RTTN: variants seen among roughly 807,000 people sequenced by gnomAD.
RTTN encodes the protein rotatin.
Under a neutral mutation model 269.2 loss-of-function variants are expected in RTTN, and 182 were observed. The observed-to-expected ratio is 0.68, with a 90% CI of 0.60 to 0.76. The LOEUF (loss-of-function observed/expected upper bound fraction) is 0.76. RTTN is among the 30% of genes least tolerant of loss of function. The pLI, the probability that RTTN is intolerant of heterozygous loss-of-function variation, is 0.00. For synonymous variants in RTTN, 1,006 were observed against 963.5 expected, an observed-to-expected ratio of 1.04 and a Z score of -0.82; for missense variants, 2,545 against 2,608.6, an observed-to-expected ratio of 0.98 and a Z score of 0.53.
intron 30 of RTTN, 34 bp downstream of exon 30, chr18:70,092,076 A>G (rs1171864055): frequency 1.4e-6 from 2 of 1,429,486 alleles, no homozygotes; most frequent in Non-Finnish European, 2.0e-6. Context: ...TTTTTAATCT[A>G]AACACAATAC....
intron 14 of RTTN, 140 bp from the exon 15 acceptor site, chr18:70,150,873 A>T: frequency 2.0e-6 from 1 of 491,796 alleles, no homozygotes; most frequent in Non-Finnish European, 3.4e-6. Context: ...AGAATGAAAA[A>T]GATTCTCCTG....
chr18:70,099,223 G>A (rs1047038602), intron 28 of RTTN, among the ~76,000 whole-genome samples: 4 of 152,182 alleles, frequency 2.6e-5, no homozygotes, highest in African/African-American at 4.8e-5. Flanking sequence ...GTGTAAAAAT[G>A]TTCCTATTTC....
chr18:70,090,443 T>C lies in RTTN; in HGVS notation c.4143+1667A>G, dbSNP rs283766. Among the ~76,000 whole-genome samples, 1,140 of 152,278 alleles carry C rather than the reference T, an allele frequency of 7.5e-3. 9 individuals carry two copies. Among genetic ancestry groups the C allele is most frequent in the African/African-American group, 0.026 (1,094 of 41,570 alleles). On this transcript the variant is annotated intron_variant, in intron 30 of 48. Coordinates refer to ENST00000640769, the MANE Select transcript of RTTN (RefSeq NM_173630.4). ...GTGGTCTCTCTCTCAAAATATCTTA[T>C]TGTATTGCACTCAGCCTTCTTGTAT...
chr18:70,183,694 T>A (rs753267768), intron 10 of RTTN, among the ~76,000 whole-genome samples: 36 of 152,118 alleles, frequency 2.4e-4, no homozygotes, highest in Non-Finnish European at 4.6e-4. Context: ...ACTCCAGGTG[T>A]GACAATCAAA....
intron 7 of RTTN, 54 bp from the exon 8 acceptor site, chr18:70,193,507 CTA>C (rs1461776491): frequency 4.0e-6 from 5 of 1,236,198 alleles, no homozygotes; most frequent in Non-Finnish European, 5.5e-6. Context: ...AGACTTCTGA[CTA>C]TGTGGTATTT....
At chr18:70,175,813 A>C (rs971804147) in intron 11 of RTTN, among the ~76,000 whole-genome samples, 2 of 152,172 alleles carry the variant, frequency 1.3e-5, no homozygotes, top group African/African-American at 2.4e-5. Context: ...AGGTTCCATG[A>C]CATTAAGATA....
In RTTN at chr18:70,205,310, G is replaced by A. The variant is rs1261940009; in HGVS notation, c.37C>T (p.Gln13Ter). The A allele has an allele frequency of 6.2e-7, 1 of 1,614,050 alleles. No homozygotes were observed. The highest frequency in any genetic ancestry group is 1.7e-5 in the Admixed American group (1 of 60,000). ...LAGLIRKLGH[Q>*]LAEIRERALK... Reference sequence around the variant, plus strand: ...GCGCGCTCCCTGATCTCGGCCAGCTGATGACCTGTCAACGAACGGCACAAA... The same window carrying A: ...GCGCGCTCCCTGATCTCGGCCAGCTAATGACCTGTCAACGAACGGCACAAA... Residue 13 changes from glutamine to a stop codon, truncating the protein, a stop_gained, in exon 2 of 49, where the codon CAG (glutamine) becomes TAG (stop). Coordinates refer to ENST00000640769, the MANE Select transcript of RTTN (RefSeq NM_173630.4). LOFTEE classifies it high-confidence loss of function.
At chr18:70,049,906 T>C (rs568452765) in intron 39 of RTTN, among the ~76,000 whole-genome samples, 1 of 152,216 alleles carries the variant, frequency 6.6e-6, no homozygotes, top group African/African-American at 2.4e-5. Flanking sequence ...GTATCCTAAC[T>C]TTCCATGTTA....
chr18:70,126,239 T>G (rs1049805096), intron 25 of RTTN, among the ~76,000 whole-genome samples: 2 of 152,136 alleles, frequency 1.3e-5, no homozygotes, highest in African/African-American at 4.8e-5. Context: ...TTCTATGGTT[T>G]TAATTCACAA....
At chr18:70,105,254 G>A (rs1229053623) in intron 28 of RTTN, among the ~76,000 whole-genome samples, 4 of 152,198 alleles carry the variant, frequency 2.6e-5, no homozygotes, top group African/African-American at 7.2e-5. Flanking sequence ...AGACTGCTGT[G>A]CTAGCAGTGA....
intron 34 of RTTN, among the ~76,000 whole-genome samples, chr18:70,072,954 C>T (rs779971601): frequency 1.3e-5 from 2 of 152,060 alleles, no homozygotes; most frequent in African/African-American, 2.4e-5. Flanking sequence ...AACACAAATA[C>T]TTCTCTTGAA....
At chr18:70,097,390 T>C (rs535605972) in intron 28 of RTTN, among the ~76,000 whole-genome samples, 8 of 152,356 alleles carry the variant, frequency 5.3e-5, no homozygotes, top group Admixed American at 3.9e-4. Context: ...CCTTACTTTA[T>C]TCTTTAAAAG....
intron 25 of RTTN, among the ~76,000 whole-genome samples, chr18:70,124,397 T>G (rs1234922885): frequency 3.9e-5 from 6 of 151,968 alleles, no homozygotes; most frequent in Non-Finnish European, 8.8e-5. Flanking sequence ...AACAAATATT[T>G]AAACAACTGT....
At chr18:70,075,171 C>T in intron 33 of RTTN, 181 bp downstream of exon 33, 1 of 461,474 alleles carries the variant, frequency 2.2e-6, no homozygotes, top group Non-Finnish European at 3.8e-6. Context: ...ATAAAACAAA[C>T]AAAGGCTATA....
At chr18:70,098,975 T>C (rs1419101044) in intron 28 of RTTN, among the ~76,000 whole-genome samples, 4 of 152,166 alleles carry the variant, frequency 2.6e-5, no homozygotes, top group African/African-American at 9.7e-5. Flanking sequence ...CATGAACTCA[T>C]CCTATTTTAT....
intron 43 of RTTN, among the ~76,000 whole-genome samples, chr18:70,026,905 C>T (rs1198567702): frequency 6.6e-6 from 1 of 152,150 alleles, no homozygotes; most frequent in African/African-American, 2.4e-5. Context: ...CACCTGGATG[C>T]CCCAAAGACT....
chr18:70,080,094 A>G (rs1338950785), intron 32 of RTTN, among the ~76,000 whole-genome samples: 1 of 143,698 alleles, frequency 7.0e-6, no homozygotes, highest in Non-Finnish European at 1.5e-5. Flanking sequence ...TCTTCTGGAA[A>G]TACTCATGAT....
intron 34 of RTTN, among the ~76,000 whole-genome samples, chr18:70,071,475 GGTGT>G (rs2058293273): frequency 6.6e-6 from 1 of 152,148 alleles, no homozygotes; most frequent in Admixed American, 6.5e-5. Context: ...GCTGCACACA[GGTGT>G]GTAAGAGGCA....
At chr18:70,077,491 A>C (rs984554912) in intron 32 of RTTN, among the ~76,000 whole-genome samples, 2 of 151,930 alleles carry the variant, frequency 1.3e-5, no homozygotes, top group Non-Finnish European at 2.9e-5. Flanking sequence ...TTACAAACCC[A>C]CTGTCTTCTA....
Sources: allele counts gnomAD v4.1 joint callset (sites outside exome capture counted in the v4.1 genomes callset), GRCh38; gene constraint gnomAD v4.1.1; transcripts MANE v1.5; gene names NCBI Gene and HGNC (gene_info 2026-07-23, HGNC 2026-07-21).